The following COL6A1 variants were observed in gnomAD, a reference collection of about 807,000 sequenced individuals.
The protein encoded by COL6A1 is collagen alpha-1(VI) chain.
Under a neutral mutation model 145.6 loss-of-function variants are expected in COL6A1, and 80 were observed. That is an observed-to-expected ratio of 0.55 (90% CI 0.46 to 0.66). The LOEUF is 0.66. Among genes scored for constraint, COL6A1 ranks in the 30% least tolerant of loss-of-function variants. COL6A1 has a pLI of 0.00. For synonymous variants in COL6A1, 638 were observed against 622.8 expected, an observed-to-expected ratio of 1.02 and a Z score of -0.36; for missense variants, 1,364 against 1,473.8, an observed-to-expected ratio of 0.93 and a Z score of 1.22.
chr21:46,004,101 G>C lies in COL6A1; in HGVS notation c.*88G>C, dbSNP rs1228356018. The C allele has an allele frequency of 6.5e-7, 1 of 1,533,052 alleles. No homozygotes were observed. Among genetic ancestry groups the C allele is most frequent in the Non-Finnish European group, 8.9e-7 (1 of 1,121,106 alleles). The allele number at this position is 1,533,052 out of a possible 1,614,324, so 95.0% of individuals were successfully genotyped here. On this transcript the variant is annotated 3_prime_UTR_variant, in exon 35 of 35. Transcript: ENST00000361866. The stretch of plus-strand genomic sequence containing the variant: ...AGTAAAATGTGATGCGAATTTTCCC[G>C]ACCAACCTGATTCGCTAGATTTTTT...
At chr21:45,992,955 G>T (rs2077785347) in intron 19 of COL6A1, 145 bp downstream of exon 19, 2 of 714,168 alleles carry the variant, frequency 2.8e-6, no homozygotes, top group Admixed American at 2.6e-5. Flanking sequence ...CGCCGTCAGG[G>T]AGGGCAGCCC....
rs774894997 is a variant in COL6A1 at position 45,987,615 on chromosome 21, A to C, written c.765A>C (p.Ala255=). 1.9e-6 allele frequency: 3 copies of C among 1,611,972 alleles called. No individual in the cohort carries two copies. Among genetic ancestry groups the C allele is most frequent in the African/African-American group, 2.7e-5 (2 of 74,914 alleles). The change falls in exon 8 of 35, where the codon GCA becomes GCC. Residue 255 remains alanine, a synonymous_variant. Transcript: ENST00000361866. ...CCGTCCCCTCTGCCTTGCAGCCTGC[A>C]AGAGGACCTCCGGGGCTCCGGGGCG... ...QVCCSFECQP[A]RGPPGLRGDP...
intron 27 of COL6A1, 75 bp downstream of exon 27, chr21:45,999,767 T>C (rs2077827729): frequency 7.6e-6 from 8 of 1,054,586 alleles, no homozygotes; most frequent in African/African-American, 1.8e-5. Flanking sequence ...GTCCTGTCCA[T>C]GGGTGCTCCT....
chr21:45,985,725 G>A (rs1323425632), intron 3 of COL6A1, among the ~76,000 whole-genome samples: 1 of 152,222 alleles, frequency 6.6e-6, no homozygotes, highest in Non-Finnish European at 1.5e-5. Flanking sequence ...GCGGTGCGGG[G>A]GGTTTGGGGA....
intron 2 of COL6A1, among the ~76,000 whole-genome samples, chr21:45,984,066 G>A (rs904082864): frequency 2.6e-5 from 4 of 152,210 alleles, no homozygotes; most frequent in African/African-American, 7.2e-5. Flanking sequence ...CTGAGGGATC[G>A]GGGCGCAGGT....
rs114591899 is a variant in COL6A1 at position 45,994,400 on chromosome 21, G to A, written c.1398+171G>A. On this transcript the variant is annotated intron_variant, in intron 20 of 34. Transcript: ENST00000361866. This position sits in a 1 kb window ranked among gnomAD's most constrained non-coding sequence, Gnocchi z 6.8. ...GAGCCGGCTGCAGGGGGTGAGGCGC[G>A]GCCTGGGCCGGGCTGGTGTGGATTG... Among the ~76,000 whole-genome samples the A allele has an allele frequency of 6.4e-3, 981 of 152,252 alleles. 13 individuals carry two copies. Among genetic ancestry groups the A allele is most frequent in the African/African-American group, 0.022 (901 of 41,552 alleles).
At chr21:45,986,787 G>T (rs973780191) in intron 4 of COL6A1, 102 bp downstream of exon 4, 5 of 1,515,420 alleles carry the variant, frequency 3.3e-6, no homozygotes, top group Admixed American at 3.9e-5. Context: ...GGAGGGTGTG[G>T]GTTCTCCAGC....
intron 33 of COL6A1, 105 bp from the exon 34 acceptor site, chr21:46,003,015 G>T: frequency 6.5e-7 from 1 of 1,546,200 alleles, no homozygotes; most frequent in Non-Finnish European, 8.9e-7. Context: ...GTGACTTCCG[G>T]GGGCACGGCC....
At chr21:45,991,791 C>T (rs958718703) in intron 15 of COL6A1, among the ~76,000 whole-genome samples, 3 of 152,184 alleles carry the variant, frequency 2.0e-5, no homozygotes, top group East Asian at 1.9e-4. Context: ...GACAAGATGG[C>T]CCTTGGCTGG....
chr21:45,990,464 GAATGGGGC>G lies in COL6A1; in HGVS notation c.1002+43_1002+50del, dbSNP rs774756547. 103,376 of 1,136,736 alleles carry G rather than the reference GAATGGGGC, an allele frequency of 0.091. 30,049 individuals carry two copies. Among genetic ancestry groups the G allele is most frequent in the Admixed American group, 0.21 (9,373 of 44,266 alleles). The allele number at this position is 1,136,736 out of a possible 1,614,324, so 70.4% of individuals were successfully genotyped here. On this transcript the variant is annotated intron_variant, in intron 13 of 34. Coordinates refer to ENST00000361866, the MANE Select transcript of COL6A1 (RefSeq NM_001848.3). The stretch of plus-strand genomic sequence containing the variant: ...AGGATGGACGGGGAGGGACGAGGAG[GAATGGGGC>G]GAGATGGGGAGGGACGGAGTGGACG...
intron 26 of COL6A1, chr21:45,999,441 G>A: frequency 1.3e-6 from 1 of 740,980 alleles, no homozygotes; most frequent in South Asian, 1.7e-5. Flanking sequence ...GGTCCTCAGG[G>A]TGGGGCCCAC....
chr21:45,987,045 G>C lies in COL6A1; in HGVS notation c.690G>C (p.Gln230His). ...GCGACGCAGAGGAGGCCATCAGCCA[G>C]ACCATCGACACCATCGTGGACATGA... ...QSRDAEEAIS[Q>H]TIDTIVDMIK... The change falls in exon 5 of 35, where the codon CAG (glutamine) becomes CAC (histidine). Residue 230 changes from glutamine (Q) to histidine (H), a missense_variant. By Grantham distance (24) the Gln-to-His change is conservative. Transcript: ENST00000361866. 6.4e-7 allele frequency: 1 copy of C among 1,553,504 alleles called. No homozygotes were observed. The highest frequency in any genetic ancestry group is 1.2e-5 in the South Asian group (1 of 84,370).
At position 45,997,756 on chromosome 21, in the gene COL6A1, T is replaced by C. The variant is rs35134265; in HGVS notation, c.1518T>C (p.Gly506=). The change falls in exon 22 of 35, where the codon GGT becomes GGC. Residue 506 remains glycine (G), a synonymous_variant. Coordinates refer to ENST00000361866, the MANE Select transcript of COL6A1 (RefSeq NM_001848.3). ...AGPPGDPGLM[G]ERGEDGPAGN... is the part of the protein sequence containing the mutation. Reference sequence around the variant, plus strand: ...CCCCTGGAGACCCGGGGCTGATGGGTGAAAGGGTGAGTGTCCAACAGCTCG... The same window carrying C: ...CCCCTGGAGACCCGGGGCTGATGGGCGAAAGGGTGAGTGTCCAACAGCTCG... 5.8e-4 allele frequency: 930 copies of C among 1,590,020 alleles called. 5 individuals are homozygous for C. In the African/African-American group the frequency reaches 0.011, roughly 18 times the overall value.
chr21:45,990,446 A>T (rs751618547), intron 13 of COL6A1, 24 bp downstream of exon 13: 1 of 873,796 alleles, frequency 1.1e-6, no homozygotes, highest in Non-Finnish European at 1.5e-6. Flanking sequence ...GATAGGATGG[A>T]CGGGGAGGGA....
At chr21:45,989,468 G>C (rs961052743) in intron 9 of COL6A1, 140 bp from the exon 10 acceptor site, 1 of 913,562 alleles carries the variant, frequency 1.1e-6, no homozygotes. Context: ...GGAGGGCCTC[G>C]GCACCATGGG....
chr21:45,986,269 A>G (rs1440896678), intron 3 of COL6A1, among the ~76,000 whole-genome samples: 2 of 152,106 alleles, frequency 1.3e-5, no homozygotes, highest in African/African-American at 2.4e-5. Context: ...CACCCCAGGA[A>G]CCGAGCCTCC....
chr21:45,999,727 C>T (rs770561380), intron 27 of COL6A1, 35 bp downstream of exon 27: 38 of 1,608,660 alleles, frequency 2.4e-5, no homozygotes, highest in Non-Finnish European at 3.1e-5. Context: ...CTGGGGGCGA[C>T]CACTGTAGCT....
At position 46,001,269 on chromosome 21, in the gene COL6A1, C is replaced by T. The variant is rs753486364; in HGVS notation, c.1839C>T (p.Pro613=). The change falls in exon 30 of 35, where the codon CCC becomes CCT. Residue 613 remains proline, a synonymous_variant. Transcript: ENST00000361866. ...CGCCTGCAGAATGCAAGTGCGGCCC[C>T]ATCGACCTCCTGTTCGTGCTGGACA... ...MCSCCECKCG[P]IDLLFVLDSS... The T allele has an allele frequency of 4.3e-6, 7 of 1,609,758 alleles. No homozygotes were observed. The Admixed American group carries it at 1.2e-4, about 27-fold the overall frequency.
chr21:45,998,053 C>A (rs574773736), intron 22 of COL6A1, 68 bp from the exon 23 acceptor site: 1 of 1,576,934 alleles, frequency 6.3e-7, no homozygotes, highest in East Asian at 2.3e-5. Flanking sequence ...TGCTCCCGGG[C>A]CTGTGCCAGC....
Sources: gnomAD v4.1 joint callset for allele counts (sites outside exome capture counted in the v4.1 genomes callset) on GRCh38, gnomAD v4.1.1 for gene constraint, Gnocchi (gnomAD v3.1) non-coding constraint, MANE v1.5 for transcripts, NCBI Gene and HGNC (gene_info 2026-07-23, HGNC 2026-07-21) for gene names.